The following HEATR6 variants were observed in gnomAD, a reference collection of about 807,000 sequenced individuals.
The protein encoded by HEATR6 is HEAT repeat containing 6, also known as HEAT repeat-containing protein 6.
In HEATR6, 106 loss-of-function variants were observed where a neutral mutation model predicts 132.8. The ratio of observed to expected loss-of-function variants is 0.80; its 90% CI spans 0.68 to 0.94. The LOEUF is 0.94. HEATR6 is among the 40% of genes least tolerant of loss of function. The probability of loss-of-function intolerance (pLI) is 0.00; values close to 1 mark genes in which losing one functional copy is unlikely to be tolerated. For synonymous variants in HEATR6, 529 were observed against 537.8 expected, an observed-to-expected ratio of 0.98 and a Z score of 0.23; for missense variants, 1,339 against 1,425.1, an observed-to-expected ratio of 0.94 and a Z score of 0.97.
chr17:60,052,472 G>T (rs1263849372), intron 14 of HEATR6, among the ~76,000 whole-genome samples: 1 of 152,134 alleles, frequency 6.6e-6, no homozygotes, highest in Non-Finnish European at 1.5e-5. Flanking sequence ...CAGTTAAGAG[G>T]CTTGCCCAAA....
At chr17:60,054,074 AG>A (rs1475100455) in intron 14 of HEATR6, among the ~76,000 whole-genome samples, 1 of 152,206 alleles carries the variant, frequency 6.6e-6, no homozygotes, top group Non-Finnish European at 1.5e-5. Context: ...ACACACCCAG[AG>A]GCCTAGGAGG....
chr17:60,062,163 T>C (rs1383332582), intron 9 of HEATR6, among the ~76,000 whole-genome samples: 1 of 152,258 alleles, frequency 6.6e-6, no homozygotes, highest in African/African-American at 2.4e-5. Flanking sequence ...TAATTGTTAC[T>C]TAAGATACTG....
Position 60,043,679 on chromosome 17 carries a change from C to T in HEATR6, c.3430G>A (p.Ala1144Thr). 6.2e-7 allele frequency: 1 copy of T among 1,614,150 alleles called. No homozygotes were observed. The highest frequency in any genetic ancestry group is 8.5e-7 in the Non-Finnish European group (1 of 1,180,012). The part of the protein sequence containing the change: ...MALKHMGSIQ[A>T]PTGDTARRAI... ...CTTCTGGCTGTGTCTCCAGTTGGTGCCTGGATGCTGCCCATGTGTTTAAGG... is the reference window on the plus strand; with the variant it reads ...CTTCTGGCTGTGTCTCCAGTTGGTGTCTGGATGCTGCCCATGTGTTTAAGG... The change falls in exon 20 of 20, where the codon GCA becomes ACA. Residue 1144 changes from alanine to threonine, a missense_variant. Ala to Thr is a moderately conservative substitution (Grantham distance 58). Coordinates refer to ENST00000184956, the MANE Select transcript of HEATR6 (RefSeq NM_022070.5).
At chr17:60,069,942 G>A in intron 6 of HEATR6, 94 bp from the exon 7 acceptor site, 2 of 1,432,246 alleles carry the variant, frequency 1.4e-6, no homozygotes, top group South Asian at 2.6e-5. Context: ...TATTTACCAT[G>A]TCTGGATCAC....
intron 7 of HEATR6, 57 bp from the exon 8 acceptor site, chr17:60,067,789 C>A: frequency 1.5e-6 from 2 of 1,367,530 alleles, no homozygotes; most frequent in South Asian, 2.7e-5. Context: ...TGGCTTTTCA[C>A]TGAATCGTTA....
chr17:60,063,127 T>G (rs535372847), intron 9 of HEATR6: 1 of 152,408 alleles, frequency 6.6e-6, no homozygotes, highest in South Asian at 2.1e-4. Context: ...AAAGATTGCC[T>G]GTTCTTGGCT....
intron 18 of HEATR6, 145 bp downstream of exon 18, chr17:60,047,164 C>G (rs1258395263): frequency 3.9e-6 from 2 of 508,742 alleles, no homozygotes; most frequent in African/African-American, 3.9e-5. Context: ...CCATTTATAC[C>G]CTGAGCACAC....
chr17:60,060,124 T>A, intron 9 of HEATR6, 28 bp from the exon 10 acceptor site: 1 of 1,525,318 alleles, frequency 6.6e-7, no homozygotes, highest in Non-Finnish European at 9.1e-7. Flanking sequence ...TTCACATTGA[T>A]TAGTTGAAAA....
At chr17:60,070,639 T>C in intron 6 of HEATR6, 67 bp downstream of exon 6, 1 of 868,620 alleles carries the variant, frequency 1.2e-6, no homozygotes, top group Non-Finnish European at 1.9e-6. Flanking sequence ...AGAATAAGGA[T>C]GTAAAGTGGT....
chr17:60,053,013 T>C (rs1366584712), intron 14 of HEATR6, among the ~76,000 whole-genome samples: 3 of 152,204 alleles, frequency 2.0e-5, no homozygotes, highest in Admixed American at 6.5e-5. Context: ...AAGTGGCTGA[T>C]ATGGTTTGGA....
At chr17:60,062,356 G>T (rs749080128) in intron 9 of HEATR6, among the ~76,000 whole-genome samples, 1 of 152,218 alleles carries the variant, frequency 6.6e-6, no homozygotes, top group Non-Finnish European at 1.5e-5. Context: ...ATGAATGAAA[G>T]GCTTTTCAGT....
chr17:60,049,113 GAGAC>G (rs1038890035), intron 16 of HEATR6, among the ~76,000 whole-genome samples: 5 of 145,930 alleles, frequency 3.4e-5, no homozygotes, highest in African/African-American at 5.2e-5. Flanking sequence ...GAGAGAGAGA[GAGAC>G]AGAGAGTGTG....
chr17:60,054,834 G>A (rs927622345), intron 14 of HEATR6, among the ~76,000 whole-genome samples: 1 of 152,204 alleles, frequency 6.6e-6, no homozygotes, highest in Non-Finnish European at 1.5e-5. Context: ...GAACTATTGG[G>A]AGGAGGTGAC....
In HEATR6 at chr17:60,043,301, C is replaced by G. The variant is rs975001910; in HGVS notation, c.*262G>C. The G allele has an allele frequency of 1.9e-5, 8 of 425,418 alleles. No individual in the cohort carries two copies. Among genetic ancestry groups the G allele is most frequent in the African/African-American group, 1.4e-4 (7 of 49,384 alleles). 26.4% of individuals were successfully genotyped at this position (425,418 alleles called of 1,614,324 possible). On this transcript the variant is annotated 3_prime_UTR_variant, in exon 20 of 20. Coordinates refer to ENST00000184956, the MANE Select transcript of HEATR6 (RefSeq NM_022070.5). Reference sequence around the variant, plus strand: ...GAGACTAAATGCCCTCAAAGCCCGTCTGCTTGGCCTGTATTACAACCTGAC... The same window carrying G: ...GAGACTAAATGCCCTCAAAGCCCGTGTGCTTGGCCTGTATTACAACCTGAC...
chr17:60,070,940 CAT>C, intron 5 of HEATR6, 133 bp from the exon 6 acceptor site: 1 of 585,420 alleles, frequency 1.7e-6, no homozygotes, highest in Admixed American at 3.0e-5. Context: ...TATAGACACA[CAT>C]ATACACACAC....
Position 60,059,524 on chromosome 17 carries a change from G to A in HEATR6, c.1624-3C>T, listed in dbSNP as rs778300707. On this transcript the variant is annotated splice_polypyrimidine_tract_variant and splice_region_variant and intron_variant, in intron 10 of 19. Transcript: ENST00000184956. ...TTTGATACTAAATTTGCAAGGCACT[G>A]TAAAACACAAAAAGTAGCTCATCAA... 1 of 1,599,096 alleles carries A rather than the reference G, an allele frequency of 6.3e-7. No homozygotes were observed. Among genetic ancestry groups the A allele is most frequent in the Non-Finnish European group, 8.6e-7 (1 of 1,169,430 alleles).
chr17:60,073,896 C>G lies in HEATR6; in HGVS notation c.328-10G>C, dbSNP rs754602153. The G allele has an allele frequency of 3.4e-5, 54 of 1,611,828 alleles. 1 individual carries two copies. The highest frequency in any genetic ancestry group is 5.0e-5 in the Admixed American group (3 of 59,568). ...GTTCATCAACAATTACCTAACAGGA[C>G]AGGAAAAGATATATTCTGATCTAAC... is the stretch of plus-strand genomic sequence containing the variant. On this transcript the variant is annotated splice_polypyrimidine_tract_variant and intron_variant, in intron 2 of 19. Coordinates refer to ENST00000184956, the MANE Select transcript of HEATR6 (RefSeq NM_022070.5).
At chr17:60,070,026 T>C (rs183876457) in intron 6 of HEATR6, among the ~76,000 whole-genome samples, 178 bp from the exon 7 acceptor site, 95 of 152,306 alleles carry the variant, frequency 6.2e-4, no homozygotes, top group Middle Eastern at 3.4e-3. Context: ...CTTGAAGGCA[T>C]AGGGCTTAAA....
At chr17:60,075,747 G>C (rs558796361) in intron 2 of HEATR6, 1 of 152,430 alleles carries the variant, frequency 6.6e-6, no homozygotes, top group East Asian at 1.9e-4. Context: ...GGGAGGCTGA[G>C]GCAGAAGAAT....
Sources: allele counts gnomAD v4.1 joint callset (sites outside exome capture counted in the v4.1 genomes callset), GRCh38; gene constraint gnomAD v4.1.1; transcripts MANE v1.5; gene names NCBI Gene and HGNC (gene_info 2026-07-23, HGNC 2026-07-21).